RPGRIP1L: variants seen among roughly 807,000 people sequenced by gnomAD.
RPGRIP1L encodes protein fantom.
In RPGRIP1L, 131 loss-of-function variants were observed where a neutral mutation model predicts 160.4. The observed-to-expected ratio is 0.82, with a 90% CI of 0.71 to 0.94. The LOEUF is 0.94. Ranked by LOEUF, RPGRIP1L falls within the 40% of genes least tolerant of loss-of-function variation. The pLI is 0.00. For missense variants in RPGRIP1L, 1,522 were observed against 1,535.8 expected (o/e 0.99, Z 0.15); for synonymous variants, 510 against 515.8 (o/e 0.99, Z 0.15).
chr16:53,627,680 T>C (rs1189742946), intron 22 of RPGRIP1L, among the ~76,000 whole-genome samples: 1 of 152,192 alleles, frequency 6.6e-6, no homozygotes, highest in Non-Finnish European at 1.5e-5. Flanking sequence ...ATTTTCTGTT[T>C]TTTGGTTTTA....
intron 14 of RPGRIP1L, 156 bp from the exon 15 acceptor site, chr16:53,653,143 C>A (rs953714318): frequency 1.2e-4 from 51 of 413,266 alleles, no homozygotes; most frequent in Non-Finnish European, 1.7e-4. Context: ...CTTTATCGTA[C>A]AAAAATTTAT....
intron 2 of RPGRIP1L, among the ~76,000 whole-genome samples, chr16:53,699,531 T>C (rs373810799): frequency 1.3e-5 from 2 of 152,180 alleles, no homozygotes; most frequent in Non-Finnish European, 2.9e-5. Flanking sequence ...GAATTGAACT[T>C]ATAGAGTATC....
Position 53,689,367 on chromosome 16 carries a change from G to A in RPGRIP1L, c.530-1402C>T, listed in dbSNP as rs369991638. Among the ~76,000 whole-genome samples the A allele has an allele frequency of 9.9e-5, 15 of 152,006 alleles. No individual in the cohort carries two copies. In the East Asian group the frequency reaches 1.9e-3, roughly 20 times the overall value. On this transcript the variant is annotated intron_variant, in intron 4 of 26. Transcript: ENST00000647211. Reference sequence around the variant, plus strand: ...ATTTTTTCTATCTAACTGTATCTATGTGCCCATTAACCAACCTCCTTTCAT... The same window carrying A: ...ATTTTTTCTATCTAACTGTATCTATATGCCCATTAACCAACCTCCTTTCAT...
chr16:53,653,219 AAGCC>A (rs1966939841), intron 14 of RPGRIP1L: 1 of 724,454 alleles, frequency 1.4e-6, no homozygotes, highest in Admixed American at 6.3e-5. Flanking sequence ...AATATAGCCT[AAGCC>A]AGGAAAAAGG....
intron 4 of RPGRIP1L, among the ~76,000 whole-genome samples, chr16:53,689,386 C>T (rs907953909): frequency 6.6e-6 from 1 of 152,144 alleles, no homozygotes; most frequent in African/African-American, 2.4e-5. Flanking sequence ...AACCAACCTC[C>T]TTTCATCCTC....
At chr16:53,698,832 G>A (rs1268332818) in intron 2 of RPGRIP1L, among the ~76,000 whole-genome samples, 15 of 147,382 alleles carry the variant, frequency 1.0e-4, no homozygotes, top group African/African-American at 3.8e-4. Flanking sequence ...CTGCCCGGCC[G>A]CCCCTACTGG....
chr16:53,665,280 T>C (rs1232539857), intron 9 of RPGRIP1L, among the ~76,000 whole-genome samples: 1 of 152,204 alleles, frequency 6.6e-6, no homozygotes. Context: ...TTTGTGGGAC[T>C]AGTAAAGGAA....
In RPGRIP1L at chr16:53,645,199, TCTTA is replaced by T. The variant is rs530267128; in HGVS notation, c.2683+422_2683+425del. The stretch of plus-strand genomic sequence containing the variant: ...CTATAATTATATATTTTCTCTCTTC[TCTTA>T]CTTCTCTTAACCTCTTTAAAGAATA... On this transcript the variant is annotated intron_variant, in intron 17 of 26. Transcript: ENST00000647211. 2.3e-4 allele frequency among the ~76,000 whole-genome samples: 35 copies of T among 152,224 alleles called. No homozygotes were observed. The East Asian group carries it at 2.9e-3, about 13-fold the overall frequency.
chr16:53,691,957 C>T, intron 4 of RPGRIP1L, 109 bp downstream of exon 4: 1 of 1,028,134 alleles, frequency 9.7e-7, no homozygotes, highest in Non-Finnish European at 1.5e-6. Context: ...TTTTCTCTTC[C>T]TAAAGACACT....
At chr16:53,607,904 CA>C (rs1455755757) in intron 25 of RPGRIP1L, 1 of 774,992 alleles carries the variant, frequency 1.3e-6, no homozygotes, top group Non-Finnish European at 1.6e-6. Flanking sequence ...GACACACACA[CA>C]AATCTTTTAT....
intron 6 of RPGRIP1L, among the ~76,000 whole-genome samples, chr16:53,678,149 A>T (rs1477197): frequency 0.39 from 56,961 of 144,766 alleles, 14,880 homozygotes; most frequent in African/African-American, 0.75. Flanking sequence ...TTTTTTTTTT[A>T]AAAAAACCAT....
At chr16:53,624,639 A>G (rs1171315930) in intron 22 of RPGRIP1L, among the ~76,000 whole-genome samples, 1 of 152,204 alleles carries the variant, frequency 6.6e-6, no homozygotes, top group Non-Finnish European at 1.5e-5. Flanking sequence ...ATAGATTTTA[A>G]TGAAATAAGA....
Position 53,637,798 on chromosome 16 carries a change from T to C in RPGRIP1L, c.3117A>G (p.Gln1039=). The C allele has an allele frequency of 6.2e-7, 1 of 1,613,412 alleles. No homozygotes were observed. Among genetic ancestry groups the C allele is most frequent in the Non-Finnish European group, 8.5e-7 (1 of 1,179,780 alleles). ...ATAGTAAAGACACATCATCTTTTCCTTGCTGCATTTTCTCAGTATTCTCTT... is the reference window on the plus strand; with the variant it reads ...ATAGTAAAGACACATCATCTTTTCCCTGCTGCATTTTCTCAGTATTCTCTT... ...EVKENTEKMQ[Q]GKDDVSLLSE... The change falls in exon 21 of 27, where the codon CAA becomes CAG. Residue 1039 remains glutamine (Q), a synonymous_variant. Transcript: ENST00000647211.
intron 13 of RPGRIP1L, 31 bp from the exon 14 acceptor site, chr16:53,656,620 C>T (rs542386439): frequency 2.2e-6 from 3 of 1,391,320 alleles, no homozygotes; most frequent in South Asian, 2.3e-5. Context: ...AGTTTTAATA[C>T]TTATGATTAG....
intron 9 of RPGRIP1L, among the ~76,000 whole-genome samples, chr16:53,668,307 A>G (rs905334599): frequency 1.3e-5 from 2 of 152,180 alleles, no homozygotes; most frequent in Non-Finnish European, 2.9e-5. Context: ...GGGTGTCAGT[A>G]GTGCTCTTTT....
intron 25 of RPGRIP1L, among the ~76,000 whole-genome samples, 157 bp downstream of exon 25, chr16:53,610,810 C>A (rs1395599489): frequency 6.6e-6 from 1 of 152,078 alleles, no homozygotes; most frequent in African/African-American, 2.4e-5. Flanking sequence ...AGGAGGAAGG[C>A]GATCTACAGA....
rs535089393 is a variant in RPGRIP1L, at chr16:53,691,886, G to T, written c.529+180C>A. On this transcript the variant is annotated intron_variant, in intron 4 of 26. Coordinates refer to ENST00000647211, the MANE Select transcript of RPGRIP1L (RefSeq NM_015272.5). ...GTTTTTACTAAACAAATTTGAGACT[G>T]ATCTAGTGATTCTTAAATAATCTTC... 2.4e-3 allele frequency among the ~76,000 whole-genome samples: 368 copies of T among 152,224 alleles called. 1 individual carries two copies. Among genetic ancestry groups the T allele is most frequent in the African/African-American group, 8.6e-3 (359 of 41,528 alleles).
At chr16:53,640,911 T>C (rs1966170289) in intron 19 of RPGRIP1L, 122 bp downstream of exon 19, 3 of 776,874 alleles carry the variant, frequency 3.9e-6, no homozygotes, top group Non-Finnish European at 4.4e-6. Context: ...ATCACTTTAA[T>C]GGGAAAAGAC....
Position 53,641,359 on chromosome 16 carries a change from T to A in RPGRIP1L, c.2800A>T (p.Asn934Tyr). 1 of 1,614,092 alleles carries A rather than the reference T, an allele frequency of 6.2e-7. No homozygotes were observed. The highest frequency in any genetic ancestry group is 8.5e-7 in the Non-Finnish European group (1 of 1,179,990). Residue 934 changes from asparagine to tyrosine, a missense_variant, in exon 18 of 27, where the codon AAT becomes TAT. Transcript: ENST00000647211. Reference protein sequence around the residue: ...SGSITTEDLGNFIRSEEPEVV... With the variant: ...SGSITTEDLGYFIRSEEPEVV... ...TCTGGCTCTTCGCTGCGAATGAAAT[T>A]TCCTAAGTCTTCAGTTGTTATTGAT... is the stretch of plus-strand genomic sequence containing the variant.
Sources: gnomAD v4.1 joint callset for allele counts (sites outside exome capture counted in the v4.1 genomes callset) on GRCh38, gnomAD v4.1.1 for gene constraint, MANE v1.5 for transcripts, NCBI Gene and HGNC (gene_info 2026-07-23, HGNC 2026-07-21) for gene names.